PRKG1: variants seen among roughly 807,000 people sequenced by gnomAD.
PRKG1 encodes protein kinase cGMP-dependent 1.
In PRKG1, 35 loss-of-function variants were observed where a neutral mutation model predicts 88.1. That is an observed-to-expected ratio of 0.40 (90% confidence interval 0.30 to 0.53). PRKG1 has a LOEUF of 0.53. PRKG1 is among the 20% of genes least tolerant of loss of function. PRKG1 has a pLI of 0.59. For missense variants in PRKG1, 540 were observed against 839.8 expected, an observed-to-expected ratio of 0.64 and a Z score of 4.41; for synonymous variants, 303 against 292.5, an observed-to-expected ratio of 1.04 and a Z score of -0.37.
chr10:51,620,424 G>A (rs978410466), intron 3 of PRKG1, among the ~76,000 whole-genome samples: 6 of 151,956 alleles, frequency 3.9e-5, no homozygotes, highest in African/African-American at 1.4e-4. Context: ...TGACTTAGAG[G>A]CATGAAGAAT....
chr10:51,488,873 C>G (rs2132865507), intron 3 of PRKG1, among the ~76,000 whole-genome samples: 1 of 152,252 alleles, frequency 6.6e-6, no homozygotes, highest in African/African-American at 2.4e-5. Context: ...CAGGTTTTCT[C>G]TCTGATATGT....
At chr10:51,605,867 G>A (rs1838751028) in intron 3 of PRKG1, among the ~76,000 whole-genome samples, 2 of 152,112 alleles carry the variant, frequency 1.3e-5, no homozygotes, top group African/African-American at 4.8e-5. Flanking sequence ...TCATTTACTT[G>A]CCAGTTTTTT....
At chr10:51,005,590 G>C (rs1473984448) in intron 1 of PRKG1, among the ~76,000 whole-genome samples, 5 of 152,186 alleles carry the variant, frequency 3.3e-5, no homozygotes, top group Non-Finnish European at 7.3e-5. Context: ...CTGGTTTGCA[G>C]ATCACAAAAT....
At position 51,628,443 on chromosome 10, in the gene PRKG1, G is replaced by A. The variant is rs1006239491; in HGVS notation, c.592+160607G>A. 5.9e-5 allele frequency among the ~76,000 whole-genome samples: 9 copies of A among 151,928 alleles called. 1 individual carries two copies. The highest frequency in any genetic ancestry group is 2.1e-4 in the South Asian group (1 of 4,820). ...CTCCCAAACTGCTGAGATTACAGGC[G>A]TGAGCCACTACCCCCAGCCTGGTCT... On this transcript the variant is annotated intron_variant, in intron 3 of 17. Coordinates refer to ENST00000373980, the MANE Select transcript of PRKG1 (RefSeq NM_006258.4).
chr10:52,063,691 C>T (rs1398671019), intron 7 of PRKG1, among the ~76,000 whole-genome samples: 1 of 152,106 alleles, frequency 6.6e-6, no homozygotes, highest in East Asian at 1.9e-4. Context: ...AGTGGGCAGC[C>T]CCTCTCCACA....
chr10:51,627,911 CCCTTCCTTCCCTTCCTTT>C (rs1839381914), intron 3 of PRKG1, among the ~76,000 whole-genome samples: 1 of 138,738 alleles, frequency 7.2e-6, no homozygotes, highest in African/African-American at 2.6e-5. Flanking sequence ...TCCCTTCCTT[CCCTTCCTTCCCTTCCTTT>C]CTTCCTTCCT....
chr10:51,322,036 A>G (rs578179859), intron 2 of PRKG1, among the ~76,000 whole-genome samples: 14 of 152,236 alleles, frequency 9.2e-5, no homozygotes, highest in Non-Finnish European at 2.9e-5. Context: ...GCACGTCTCA[A>G]TTAGATTAAC....
intron 3 of PRKG1, chr10:51,698,187 C>A (rs1347303016): frequency 6.2e-6 from 10 of 1,614,046 alleles, no homozygotes; most frequent in Non-Finnish European, 8.5e-6. Flanking sequence ...AATCCTCTTG[C>A]ATCCATGCCC....
chr10:51,963,001 TG>T (rs1303120689), intron 5 of PRKG1, among the ~76,000 whole-genome samples: 1 of 152,242 alleles, frequency 6.6e-6, no homozygotes, highest in Non-Finnish European at 1.5e-5. Flanking sequence ...AAAGGCTGGA[TG>T]CTCTCAGTGT....
At chr10:51,734,649 C>G (rs1289820848) in intron 3 of PRKG1, among the ~76,000 whole-genome samples, 4 of 151,982 alleles carry the variant, frequency 2.6e-5, no homozygotes, top group Non-Finnish European at 4.4e-5. Context: ...AAGAACCCTC[C>G]AATTTTTCAC....
chr10:51,848,548 T>A (rs1375176221), intron 4 of PRKG1, among the ~76,000 whole-genome samples: 3 of 152,248 alleles, frequency 2.0e-5, no homozygotes, highest in Non-Finnish European at 4.4e-5. Flanking sequence ...TTCTGTAAAA[T>A]ATGTTTTCAT....
intron 7 of PRKG1, among the ~76,000 whole-genome samples, chr10:52,068,678 A>T (rs374455896): frequency 7.0e-6 from 1 of 141,944 alleles, no homozygotes; most frequent in African/African-American, 2.5e-5. Flanking sequence ...CTACATCATC[A>T]TCTTCATCAT....
intron 3 of PRKG1, among the ~76,000 whole-genome samples, chr10:51,737,565 G>C (rs1028886109): frequency 6.6e-6 from 1 of 152,028 alleles, no homozygotes; most frequent in Non-Finnish European, 1.5e-5. Flanking sequence ...GTCGGACAGG[G>C]ACTCTCACTG....
At chr10:51,210,852 C>A (rs905803159) in intron 2 of PRKG1, among the ~76,000 whole-genome samples, 14 of 152,202 alleles carry the variant, frequency 9.2e-5, no homozygotes, top group African/African-American at 3.1e-4. Flanking sequence ...AGTCCAGGAC[C>A]AGATGGATTC....
intron 2 of PRKG1, among the ~76,000 whole-genome samples, chr10:51,316,034 T>A (rs1841307785): frequency 6.6e-6 from 1 of 152,220 alleles, no homozygotes. Context: ...ATGAAAATAC[T>A]AACCAGTAAC....
chr10:51,822,946 T>C (rs1397192216), intron 4 of PRKG1, among the ~76,000 whole-genome samples: 1 of 152,170 alleles, frequency 6.6e-6, no homozygotes, highest in African/African-American at 2.4e-5. Flanking sequence ...TGGGCATTCC[T>C]GACACTATTT....
At chr10:51,146,015 A>AC (rs1845938288) in intron 1 of PRKG1, among the ~76,000 whole-genome samples, 9 of 120,582 alleles carry the variant, frequency 7.5e-5, no homozygotes, top group East Asian at 4.4e-4. Flanking sequence ...AAAAATACGA[A>AC]AAAACAAACA....
intron 2 of PRKG1, among the ~76,000 whole-genome samples, chr10:51,409,017 C>T (rs553961729): frequency 8.1e-4 from 123 of 152,304 alleles, no homozygotes; most frequent in African/African-American, 2.8e-3. Context: ...TTATTGGCTA[C>T]AGCCCATGAA....
chr10:52,277,067 A>G (rs1470440916), intron 12 of PRKG1, among the ~76,000 whole-genome samples: 1 of 152,202 alleles, frequency 6.6e-6, no homozygotes, highest in Non-Finnish European at 1.5e-5. Flanking sequence ...AACCCTCCAC[A>G]TTCCAAAATG....
Sources: gnomAD v4.1 joint callset for allele counts (sites outside exome capture counted in the v4.1 genomes callset) on GRCh38, gnomAD v4.1.1 for gene constraint, MANE v1.5 for transcripts, NCBI Gene and HGNC (gene_info 2026-07-23, HGNC 2026-07-21) for gene names.